Variants in MAGI2 observed in about 807,000 individuals in gnomAD.
The protein encoded by MAGI2 is membrane-associated guanylate kinase, WW and PDZ domain-containing protein 2.
In MAGI2, 35 loss-of-function variants were observed where a neutral mutation model predicts 133.3. The ratio of observed to expected loss-of-function variants is 0.26; its 90% CI spans 0.20 to 0.35. The LOEUF (loss-of-function observed/expected upper bound fraction) is 0.35. Among genes scored for constraint, MAGI2 ranks in the 10% least tolerant of loss-of-function variants. The probability of loss-of-function intolerance (pLI) is 1.00; values close to 1 mark genes in which losing one functional copy is unlikely to be tolerated. For synonymous variants in MAGI2, 729 were observed against 710.6 expected, an observed-to-expected ratio of 1.03 and a Z score of -0.41; for missense variants, 1,636 against 1,863.4, an observed-to-expected ratio of 0.88 and a Z score of 2.25.
chr7:79,364,712 A>G (rs915049787), intron 1 of MAGI2, among the ~76,000 whole-genome samples: 1 of 152,058 alleles, frequency 6.6e-6, no homozygotes, highest in African/African-American at 2.4e-5. Context: ...CCTTAAGTAA[A>G]TAGTGCTGAA....
At chr7:79,229,767 A>G (rs182358179) in intron 1 of MAGI2, among the ~76,000 whole-genome samples, 9 of 151,996 alleles carry the variant, frequency 5.9e-5, no homozygotes, top group Admixed American at 5.9e-4. Flanking sequence ...TTTGAAAAAT[A>G]TTCTTTTTTT....
At chr7:78,221,776 T>C (rs1405933384) in intron 10 of MAGI2, among the ~76,000 whole-genome samples, 1 of 151,678 alleles carries the variant, frequency 6.6e-6, no homozygotes, top group Non-Finnish European at 1.5e-5. Flanking sequence ...AAGGATCGTT[T>C]AAAGCCAAGA....
intron 2 of MAGI2, among the ~76,000 whole-genome samples, chr7:78,750,785 C>T (rs1349158493): frequency 6.6e-6 from 1 of 152,134 alleles, no homozygotes; most frequent in Non-Finnish European, 1.5e-5. Context: ...AATATTCACA[C>T]TTCTAAAGAA....
At position 78,487,287 on chromosome 7, in the gene MAGI2, C is replaced by T. The variant is rs577299325; in HGVS notation, c.1045+2474G>A. 17 of 197,172 alleles carry T rather than the reference C, an allele frequency of 8.6e-5. No homozygotes were observed. The South Asian group carries it at 1.8e-3, about 20-fold the overall frequency. The allele number at this position is 197,172 out of a possible 1,614,324, so 12.2% of individuals were successfully genotyped here. Reference sequence around the variant, plus strand: ...AAATCAAGAGGCAATTTTTATCCTCCCCTCAAGTGGAACAACATGTGGTCC... The same window carrying T: ...AAATCAAGAGGCAATTTTTATCCTCTCCTCAAGTGGAACAACATGTGGTCC... On this transcript the variant is annotated intron_variant, in intron 6 of 21. Coordinates refer to ENST00000354212, the MANE Select transcript of MAGI2 (RefSeq NM_012301.4).
chr7:78,565,012 C>A (rs1190891592), intron 3 of MAGI2, among the ~76,000 whole-genome samples: 3 of 151,826 alleles, frequency 2.0e-5, no homozygotes, highest in Non-Finnish European at 4.4e-5. Context: ...CCAGGATGGT[C>A]TTGATCTCCT....
intron 1 of MAGI2, among the ~76,000 whole-genome samples, chr7:79,290,389 TA>T (rs1836371982): frequency 1.0e-5 from 1 of 96,748 alleles, no homozygotes. Context: ...ATAATCTTTT[TA>T]ATTTTAAATT....
intron 1 of MAGI2, among the ~76,000 whole-genome samples, chr7:79,027,048 A>G (rs889813515): frequency 6.6e-6 from 1 of 152,148 alleles, no homozygotes; most frequent in Non-Finnish European, 1.5e-5. Context: ...CAGATGAAAG[A>G]TAAGTGTTGG....
chr7:79,245,914 G>A (rs2129555330), intron 1 of MAGI2, among the ~76,000 whole-genome samples: 1 of 152,284 alleles, frequency 6.6e-6, no homozygotes, highest in African/African-American at 2.4e-5. Context: ...CCAGCACCAG[G>A]CAGCCCAGCA....
chr7:78,486,950 G>T, intron 6 of MAGI2: 2 of 525,572 alleles, frequency 3.8e-6, no homozygotes, highest in Middle Eastern at 3.4e-4. Flanking sequence ...TGGCTCTGGG[G>T]CCGGGTCCAT....
intron 6 of MAGI2, among the ~76,000 whole-genome samples, chr7:78,407,512 G>C (rs1353347431): frequency 6.6e-6 from 1 of 151,870 alleles, no homozygotes; most frequent in Non-Finnish European, 1.5e-5. Context: ...CTCATGTCAT[G>C]AGGCTAATGG....
At chr7:78,696,883 T>C (rs1171571856) in intron 2 of MAGI2, among the ~76,000 whole-genome samples, 2 of 152,142 alleles carry the variant, frequency 1.3e-5, no homozygotes, top group Admixed American at 1.3e-4. Context: ...GCAGATCAAT[T>C]TTAGACATGA....
chr7:78,423,260 A>C (rs1396946491), intron 6 of MAGI2, among the ~76,000 whole-genome samples: 2 of 152,074 alleles, frequency 1.3e-5, no homozygotes, highest in African/African-American at 4.8e-5. Context: ...AAAAAATGGG[A>C]GTTTTCCTGC....
chr7:79,111,465 A>G (rs1228212754), intron 1 of MAGI2, among the ~76,000 whole-genome samples: 2 of 152,242 alleles, frequency 1.3e-5, no homozygotes, highest in Non-Finnish European at 2.9e-5. Context: ...GGTATTTTAG[A>G]AAATTCTTCT....
At chr7:78,500,736 A>AT (rs1389559605) in intron 5 of MAGI2, among the ~76,000 whole-genome samples, 2 of 152,230 alleles carry the variant, frequency 1.3e-5, no homozygotes, top group Non-Finnish European at 2.9e-5. Flanking sequence ...AGGGAGCATA[A>AT]TGAACTATAC....
chr7:78,177,929 A>G (rs1426327707), intron 14 of MAGI2, 82 bp downstream of exon 14: 3 of 969,818 alleles, frequency 3.1e-6, no homozygotes, highest in Admixed American at 2.0e-5. Context: ...TTCCTTTTAG[A>G]TATCACACTA....
intron 21 of MAGI2, among the ~76,000 whole-genome samples, chr7:78,066,744 G>T (rs553086234): frequency 6.6e-6 from 1 of 152,178 alleles, no homozygotes; most frequent in Non-Finnish European, 1.5e-5. Flanking sequence ...GGCAACAACT[G>T]CTTCCTGCAC....
chr7:79,305,885 C>T (rs762899673), intron 1 of MAGI2, among the ~76,000 whole-genome samples: 2 of 152,184 alleles, frequency 1.3e-5, no homozygotes, highest in Non-Finnish European at 1.5e-5. Flanking sequence ...CATGGCACTC[C>T]AACCCGGGTG....
chr7:79,090,046 G>A (rs1015153964), intron 1 of MAGI2, among the ~76,000 whole-genome samples: 5 of 151,670 alleles, frequency 3.3e-5, no homozygotes, highest in African/African-American at 1.2e-4. Context: ...TTAAAAAATA[G>A]AAGATTTTTA....
intron 1 of MAGI2, among the ~76,000 whole-genome samples, chr7:79,346,152 G>A (rs1036171916): frequency 2.6e-5 from 4 of 151,796 alleles, no homozygotes; most frequent in African/African-American, 7.3e-5. Context: ...GTTGTCATTC[G>A]GGCCTAATTA....
Sources: allele counts gnomAD v4.1 joint callset (sites outside exome capture counted in the v4.1 genomes callset), GRCh38; gene constraint gnomAD v4.1.1; transcripts MANE v1.5; gene names NCBI Gene and HGNC (gene_info 2026-07-23, HGNC 2026-07-21).